FLVCR1: variants seen among roughly 807,000 people sequenced by gnomAD.
The protein encoded by FLVCR1 is choline/ethanolamine transporter FLVCR1.
In FLVCR1, 34 loss-of-function variants were observed where a neutral mutation model predicts 53.6. The observed-to-expected ratio is 0.63, with a 90% CI of 0.48 to 0.84. The LOEUF (loss-of-function observed/expected upper bound fraction) is 0.84. Ranked by LOEUF, FLVCR1 falls within the 40% of genes least tolerant of loss-of-function variation. The probability of loss-of-function intolerance (pLI) is 0.00; values close to 1 mark genes in which losing one functional copy is unlikely to be tolerated. For missense variants in FLVCR1, 677 were observed against 696.7 expected (o/e 0.97, Z 0.32); for synonymous variants, 300 against 286.3 (o/e 1.05, Z -0.48).
intron 5 of FLVCR1, among the ~76,000 whole-genome samples, chr1:212,886,682 C>A (rs1230013343): frequency 6.6e-6 from 1 of 151,974 alleles, no homozygotes; most frequent in African/African-American, 2.4e-5. Context: ...CACCTGTAAT[C>A]CCAGCTACTC....
chr1:212,897,025 T>G lies in FLVCR1; in HGVS notation c.*1735T>G. On this transcript the variant is annotated 3_prime_UTR_variant, in exon 10 of 10. Transcript: ENST00000366971. ...CCCATCTCTACTAAAAATACAAAAA[T>G]TAGCGCAGTGGCAGGCGCCTGTAAT... 6.6e-6 allele frequency: 1 copy of G among 151,000 alleles called. No individual in the cohort carries two copies. Among genetic ancestry groups the G allele is most frequent in the African/African-American group, 2.4e-5 (1 of 41,082 alleles). 9.4% of individuals were successfully genotyped at this position (151,000 alleles called of 1,614,324 possible). A position where few individuals can be genotyped will look rare whatever the true frequency, so the allele number is the denominator to read the frequency against.
At chr1:212,894,366 G>A (rs1665279374) in intron 8 of FLVCR1, among the ~76,000 whole-genome samples, 1 of 151,574 alleles carries the variant, frequency 6.6e-6, no homozygotes, top group Non-Finnish European at 1.5e-5. Context: ...TGTTGGCCGG[G>A]ATGGTCTCGA....
chr1:212,865,203 A>G (rs1470297991), intron 2 of FLVCR1, among the ~76,000 whole-genome samples: 1 of 151,376 alleles, frequency 6.6e-6, no homozygotes, highest in Admixed American at 6.6e-5. Flanking sequence ...ATATGTATAC[A>G]TGTGCCATGT....
At position 212,879,974 on chromosome 1, in the gene FLVCR1, A is replaced by ATT. The variant is rs34468539; in HGVS notation, c.1025-3386_1025-3385dup. Among the ~76,000 whole-genome samples, 1,066 of 148,966 alleles carry ATT rather than the reference A, an allele frequency of 7.2e-3. 11 individuals carry two copies. The highest frequency in any genetic ancestry group is 0.022 in the African/African-American group (878 of 40,424). ...ATACTCTAGGTTCAGATAACATAGT[A>ATT]TTTTTTTTTTTTGGCTGTTATAATT... On this transcript the variant is annotated intron_variant, in intron 3 of 9. Transcript: ENST00000366971.
At chr1:212,866,321 A>G (rs1048740517) in intron 2 of FLVCR1, among the ~76,000 whole-genome samples, 1 of 151,472 alleles carries the variant, frequency 6.6e-6, no homozygotes, top group African/African-American at 2.4e-5. Flanking sequence ...GGGTTTCACC[A>G]TGTTGGCCAG....
chr1:212,881,189 A>T (rs527540151), intron 3 of FLVCR1, among the ~76,000 whole-genome samples: 1 of 152,196 alleles, frequency 6.6e-6, no homozygotes, highest in Non-Finnish European at 1.5e-5. Flanking sequence ...TCTACATCAT[A>T]CCATGCATAA....
intron 4 of FLVCR1, among the ~76,000 whole-genome samples, chr1:212,884,055 C>T (rs1030162360): frequency 7.2e-5 from 11 of 152,172 alleles, no homozygotes; most frequent in African/African-American, 2.7e-4. Context: ...CGCCTGTAAT[C>T]CCAGCACTTT....
At chr1:212,874,283 C>T (rs149236403) in intron 3 of FLVCR1, among the ~76,000 whole-genome samples, 2 of 152,290 alleles carry the variant, frequency 1.3e-5, no homozygotes, top group East Asian at 1.9e-4. Context: ...TGCGGGATTA[C>T]AGGCGTGAGC....
At position 212,862,562 on chromosome 1, in the gene FLVCR1, TTATC is replaced by T. The variant is rs763732567; in HGVS notation, c.739-1162_739-1159del. Among the ~76,000 whole-genome samples the T allele has an allele frequency of 7.9e-5, 12 of 152,392 alleles. No homozygotes were observed. In the East Asian group the frequency reaches 2.1e-3, roughly 27 times the overall value. ...ATTGTATGAATATACCACATTTTGT[TTATC>T]CATTTATCTGTTGATAAATGTTTGG... is the stretch of plus-strand genomic sequence containing the variant. On this transcript the variant is annotated intron_variant, in intron 1 of 9. Coordinates refer to ENST00000366971, the MANE Select transcript of FLVCR1 (RefSeq NM_014053.4).
At position 212,889,264 on chromosome 1, in the gene FLVCR1, T is replaced by C. The variant is rs1331775819; in HGVS notation, c.1525+7T>C. The C allele has an allele frequency of 1.9e-6, 3 of 1,559,350 alleles. No homozygotes were observed. Among genetic ancestry groups the C allele is most frequent in the East Asian group, 2.2e-5 (1 of 44,564 alleles). On this transcript the variant is annotated splice_region_variant and intron_variant, in intron 8 of 9. Transcript: ENST00000366971. ...ATAGGCATCATATTAACAGGTAAAT[T>C]AGGGCGTTTGCCTGGCAAAAGGACT...
At chr1:212,884,986 A>G (rs748822157) in intron 4 of FLVCR1, among the ~76,000 whole-genome samples, 23 of 152,258 alleles carry the variant, frequency 1.5e-4, no homozygotes, top group Non-Finnish European at 2.9e-4. Flanking sequence ...ATTATGGAGC[A>G]CATGACTATC....
Position 212,858,810 on chromosome 1 carries a change from G to C in FLVCR1, c.358G>C (p.Val120Leu). Residue 120 changes from valine (V) to leucine (L), a missense_variant, in exon 1 of 10, where the codon GTC (valine) becomes CTC (leucine). By Grantham distance (32) the Val-to-Leu change is conservative. Coordinates refer to ENST00000366971, the MANE Select transcript of FLVCR1 (RefSeq NM_014053.4). ...CCTGATCTTCAGCCTGTACTCGCTG[G>C]TCAACGCCTTTCAGTGGATCCAGTA... ...VLLIFSLYSL[V>L]NAFQWIQYSI... 1.2e-6 allele frequency: 2 copies of C among 1,614,238 alleles called. No homozygotes were observed. Among genetic ancestry groups the C allele is most frequent in the Non-Finnish European group, 1.7e-6 (2 of 1,180,038 alleles).
chr1:212,863,651 A>G (rs1021457172), intron 1 of FLVCR1, 74 bp from the exon 2 acceptor site: 2 of 1,295,168 alleles, frequency 1.5e-6, no homozygotes, highest in African/African-American at 2.9e-5. Context: ...TGTCCTCTTT[A>G]TGTTCTGTTA....
In FLVCR1 at chr1:212,899,117, T is replaced by C. The variant is rs1665410211; in HGVS notation, c.*3827T>C. The C allele has an allele frequency of 6.6e-6, 1 of 152,246 alleles. No homozygotes were observed. Among genetic ancestry groups the C allele is most frequent in the Non-Finnish European group, 1.5e-5 (1 of 68,034 alleles). The allele number at this position is 152,246 out of a possible 1,614,324, so 9.4% of individuals were successfully genotyped here. On this transcript the variant is annotated 3_prime_UTR_variant, in exon 10 of 10. Transcript: ENST00000366971. The stretch of plus-strand genomic sequence containing the variant: ...TAATCAAATGACTTAGGAAAGAAAC[T>C]GGATGTTTCAAAAGCTGTTGCATTT...
intron 8 of FLVCR1, among the ~76,000 whole-genome samples, chr1:212,892,327 C>T (rs530950851): frequency 6.6e-6 from 1 of 152,344 alleles, no homozygotes; most frequent in South Asian, 2.1e-4. Flanking sequence ...CAAGCTCATT[C>T]TCTTGTGAGG....
At chr1:212,871,929 A>C (rs1271929961) in intron 2 of FLVCR1, among the ~76,000 whole-genome samples, 1 of 152,158 alleles carries the variant, frequency 6.6e-6, no homozygotes, top group Non-Finnish European at 1.5e-5. Context: ...ATGAAGCTCA[A>C]GTGAGTTAGC....
intron 5 of FLVCR1, among the ~76,000 whole-genome samples, chr1:212,887,483 A>G (rs941840341): frequency 4.6e-5 from 7 of 152,248 alleles, no homozygotes; most frequent in African/African-American, 1.7e-4. Flanking sequence ...AATATAACAA[A>G]CTAAAATAGA....
intron 2 of FLVCR1, among the ~76,000 whole-genome samples, chr1:212,867,877 C>T (rs1197280475): frequency 6.7e-6 from 1 of 150,130 alleles, no homozygotes; most frequent in African/African-American, 2.5e-5. Flanking sequence ...GATCTTGGCT[C>T]ACTGCAAGCT....
intron 3 of FLVCR1, among the ~76,000 whole-genome samples, chr1:212,876,667 A>T (rs1282990169): frequency 6.6e-6 from 1 of 151,972 alleles, no homozygotes; most frequent in African/African-American, 2.4e-5. Flanking sequence ...GCCCGGCCTG[A>T]TCTCATTTCT....
Sources: allele counts gnomAD v4.1 joint callset (sites outside exome capture counted in the v4.1 genomes callset), GRCh38; gene constraint gnomAD v4.1.1; transcripts MANE v1.5; gene names NCBI Gene and HGNC (gene_info 2026-07-23, HGNC 2026-07-21).